The following ORC5 variants were observed in gnomAD, a reference collection of about 807,000 sequenced individuals.
ORC5 encodes protein phosphatase 1, regulatory subunit 117.
Under a neutral mutation model 58.8 loss-of-function variants are expected in ORC5, and 39 were observed. The observed-to-expected ratio is 0.66, with a 90% CI of 0.51 to 0.87. The LOEUF (loss-of-function observed/expected upper bound fraction) is 0.87. Among genes scored for constraint, ORC5 ranks in the 40% least tolerant of loss-of-function variants. The pLI, the probability that ORC5 is intolerant of heterozygous loss-of-function variation, is 0.00. For synonymous variants in ORC5, 218 were observed against 177.6 expected (o/e 1.23, Z -1.81); for missense variants, 493 against 506.3 (o/e 0.97, Z 0.25).
At position 104,188,262 on chromosome 7, in the gene ORC5, G is replaced by A. The variant is rs372566964; in HGVS notation, c.673C>T (p.Leu225Phe). The A allele has an allele frequency of 6.2e-7, 1 of 1,610,946 alleles. No homozygotes were observed. Among genetic ancestry groups the A allele is most frequent in the African/African-American group, 1.3e-5 (1 of 74,586 alleles). ...FYTVCRDLKE[L>F]RHLAVLNFPK... ...AAATGTTCATTTACCAGATGTCTGA[G>A]CTCTTTCAAATCTCGACAAACAGTG... The change falls in exon 6 of 14, where the codon CTC (leucine) becomes TTC (phenylalanine). Residue 225 changes from leucine to phenylalanine, a missense_variant. Transcript: ENST00000297431.
chr7:104,178,869 T>C (rs1007563527), intron 8 of ORC5, among the ~76,000 whole-genome samples: 3 of 151,970 alleles, frequency 2.0e-5, no homozygotes, highest in Non-Finnish European at 4.4e-5. Flanking sequence ...ACAAAGTGTA[T>C]CCCGAAACAT....
intron 8 of ORC5, among the ~76,000 whole-genome samples, chr7:104,181,311 C>T (rs79794042): frequency 0.045 from 6,782 of 152,182 alleles, 500 homozygotes; most frequent in African/African-American, 0.15. Context: ...AGGTGAAGCA[C>T]CTGCTTTTTC....
At position 104,188,352 on chromosome 7, in the gene ORC5, G is replaced by A; in HGVS notation, c.583C>T (p.His195Tyr). 6.2e-7 allele frequency: 1 copy of A among 1,610,480 alleles called. No individual in the cohort carries two copies. Among genetic ancestry groups the A allele is most frequent in the Non-Finnish European group, 8.5e-7 (1 of 1,177,102 alleles). ...GNLQKILSHD[H>Y]PPEYSADFYA... ...AAATCAGCTGAATACTCTGGAGGAT[G>A]ATCATGGGACAGGATCTTTTGAAGG... Residue 195 changes from histidine to tyrosine, a missense_variant, in exon 6 of 14, where the codon CAT (histidine) becomes TAT (tyrosine). By Grantham distance (83) the His-to-Tyr change is moderately conservative. Coordinates refer to ENST00000297431, the MANE Select transcript of ORC5 (RefSeq NM_002553.4).
rs376564897 is a variant in ORC5 at position 104,161,182 on chromosome 7, T to C, written c.1039A>G (p.Thr347Ala). ...TTTGGCCCAAGGAGATGATTGCTTG[T>C]CTGTAAAAAACAAAACAAAAACATG... is the stretch of plus-strand genomic sequence containing the variant. ...KTNFLKKHEK[T>A]SNHLLGPKPF... Residue 347 changes from threonine (T) to alanine (A), a missense_variant and splice_region_variant, in exon 12 of 14, where the codon ACA (threonine) becomes GCA (alanine). Around this residue, in one of 3 missense-constraint regions of ORC5, gnomAD observed 412 missense variants for 403.7 expected, o/e 1.02. Transcript: ENST00000297431. 6.4e-7 allele frequency: 1 copy of C among 1,554,732 alleles called. No homozygotes were observed. Among genetic ancestry groups the C allele is most frequent in the Non-Finnish European group, 8.9e-7 (1 of 1,127,582 alleles).
chr7:104,155,087 T>A (rs1243215550), intron 12 of ORC5, among the ~76,000 whole-genome samples: 1 of 151,778 alleles, frequency 6.6e-6, no homozygotes, highest in African/African-American at 2.4e-5. Context: ...AACACCTAAA[T>A]GAGTAGTAAG....
chr7:104,168,416 CT>C (rs1799143888), intron 9 of ORC5, 56 bp downstream of exon 9: 2 of 1,589,190 alleles, frequency 1.3e-6, no homozygotes, highest in Admixed American at 1.8e-5. Context: ...ACTTTAGTAT[CT>C]TGATAATTAG....
At chr7:104,170,290 T>TA (rs1799188183) in intron 8 of ORC5, among the ~76,000 whole-genome samples, 1 of 152,320 alleles carries the variant, frequency 6.6e-6, no homozygotes, top group Admixed American at 6.5e-5. Context: ...CCTCCAAAGA[T>TA]ACCAAAGTCC....
Position 104,197,742 on chromosome 7 carries a change from G to C in ORC5, c.424C>G (p.Leu142Val). The change falls in exon 4 of 14, where the codon CTT (leucine) becomes GTT (valine). Residue 142 changes from leucine (L) to valine (V), a missense_variant. Leu to Val is a conservative substitution (Grantham distance 32, BLOSUM62 1). Around this residue, in one of 3 missense-constraint regions of ORC5, gnomAD observed 412 missense variants for 403.7 expected, o/e 1.02. Coordinates refer to ENST00000297431, the MANE Select transcript of ORC5 (RefSeq NM_002553.4). Reference sequence around the variant, plus strand: ...TTACTTACCAATTCTTGTAATCTAAGAAATCCAGGCAAAAGATTTGCTTCC... The same window carrying C: ...TTACTTACCAATTCTTGTAATCTAACAAATCCAGGCAAAAGATTTGCTTCC... The part of the protein sequence containing the change: ...DMEANLLPGF[L>V]RLQELADRNV... 6.3e-7 allele frequency: 1 copy of C among 1,598,876 alleles called. No homozygotes were observed. The highest frequency in any genetic ancestry group is 8.5e-7 in the Non-Finnish European group (1 of 1,173,060).
In ORC5 at chr7:104,126,833, C is replaced by CTTTGAAGCT; in HGVS notation, c.*6_*14dup. On this transcript the variant is annotated 3_prime_UTR_variant, in exon 14 of 14. Coordinates refer to ENST00000297431, the MANE Select transcript of ORC5 (RefSeq NM_002553.4). ...AGTCATTGTCACAGTGTCCATATGG[C>CTTTGAAGCT]TTTGAAGCTTGTTTTCACAAGAAAT... The CTTTGAAGCT allele has an allele frequency of 6.3e-7, 1 of 1,599,050 alleles. No homozygotes were observed. The highest frequency in any genetic ancestry group is 2.3e-5 in the East Asian group (1 of 44,410).
intron 6 of ORC5, chr7:104,187,866 C>A: frequency 1.0e-6 from 1 of 989,206 alleles, no homozygotes. Context: ...AAAACTTGAA[C>A]AAAATCTGTT....
intron 8 of ORC5, among the ~76,000 whole-genome samples, chr7:104,180,926 C>T (rs113110809): frequency 6.6e-6 from 1 of 152,174 alleles, no homozygotes; most frequent in Admixed American, 6.5e-5. Context: ...AAGTCTCTGT[C>T]ATCCTACAGT....
intron 2 of ORC5, among the ~76,000 whole-genome samples, chr7:104,201,659 C>T (rs1799946933): frequency 6.7e-6 from 1 of 148,176 alleles, no homozygotes; most frequent in Admixed American, 6.8e-5. Flanking sequence ...GAAATCTAAG[C>T]ATATTTGAAT....
At chr7:104,179,951 G>T (rs1292091821) in intron 8 of ORC5, among the ~76,000 whole-genome samples, 1 of 152,060 alleles carries the variant, frequency 6.6e-6, no homozygotes, top group Non-Finnish European at 1.5e-5. Flanking sequence ...TAACTCTGCT[G>T]TTAAAGTCTA....
intron 5 of ORC5, among the ~76,000 whole-genome samples, chr7:104,193,987 T>A (rs1352030886): frequency 1.3e-5 from 2 of 151,740 alleles, no homozygotes; most frequent in Admixed American, 1.3e-4. Context: ...TTGACTGAAA[T>A]GTGTAATATC....
At chr7:104,160,412 A>AT (rs1395298647) in intron 12 of ORC5, among the ~76,000 whole-genome samples, 3 of 152,158 alleles carry the variant, frequency 2.0e-5, no homozygotes, top group Non-Finnish European at 2.9e-5. Flanking sequence ...AATACTAGTT[A>AT]TATCATTTTG....
intron 8 of ORC5, among the ~76,000 whole-genome samples, chr7:104,170,515 T>G (rs528501263): frequency 6.6e-6 from 1 of 152,300 alleles, no homozygotes; most frequent in South Asian, 2.1e-4. Context: ...AGCCAGGGAA[T>G]GAAGGCAGCC....
chr7:104,150,261 A>G (rs2115806676), intron 12 of ORC5, among the ~76,000 whole-genome samples: 1 of 152,338 alleles, frequency 6.6e-6, no homozygotes, highest in Non-Finnish European at 1.5e-5. Flanking sequence ...CTTAAGAAAT[A>G]TCCTATCCTG....
In ORC5 at chr7:104,126,844, G is replaced by GT; in HGVS notation, c.*3dup. On this transcript the variant is annotated 3_prime_UTR_variant, in exon 14 of 14. Coordinates refer to ENST00000297431, the MANE Select transcript of ORC5 (RefSeq NM_002553.4). ...CAGTGTCCATATGGCTTTGAAGCTT[G>GT]TTTTCACAAGAAATCATACAAGTAT... is the stretch of plus-strand genomic sequence containing the variant. The GT allele has an allele frequency of 6.2e-7, 1 of 1,603,358 alleles. No homozygotes were observed. The highest frequency in any genetic ancestry group is 8.5e-7 in the Non-Finnish European group (1 of 1,172,714).
intron 11 of ORC5, 105 bp from the exon 12 acceptor site, chr7:104,161,287 C>G: frequency 1.6e-6 from 1 of 616,844 alleles, no homozygotes; most frequent in South Asian, 2.0e-5. Context: ...ATATATAGTT[C>G]CCCTAAAAAT....
Sources: allele counts gnomAD v4.1 joint callset (sites outside exome capture counted in the v4.1 genomes callset), GRCh38; gene constraint gnomAD v4.1.1; regional missense constraint gnomAD v4.1.1; transcripts MANE v1.5; gene names NCBI Gene and HGNC (gene_info 2026-07-23, HGNC 2026-07-21).